Variants in RANBP2 observed in about 807,000 individuals in gnomAD.
RANBP2 encodes the protein E3 SUMO-protein ligase RanBP2.
RANBP2 carries 57 observed loss-of-function variants against 303.6 expected under a neutral mutation model. The ratio of observed to expected loss-of-function variants is 0.19; its 90% CI spans 0.15 to 0.23. The LOEUF is 0.23. RANBP2 is among the 10% of genes least tolerant of loss of function. The probability of loss-of-function intolerance (pLI) is 1.00; values close to 1 mark genes in which losing one functional copy is unlikely to be tolerated. For missense variants in RANBP2, 3,138 were observed against 3,780.8 expected (o/e 0.83, Z 4.46); for synonymous variants, 1,167 against 1,301.5 (o/e 0.90, Z 2.23).
the RANBP2 span, among the ~76,000 whole-genome samples, chr2:109,188,322 G>T: frequency 6.6e-6 from 1 of 152,192 alleles, no homozygotes; most frequent in Non-Finnish European, 1.5e-5. Flanking sequence ...AAGCTGTCTG[G>T]CCTGGAGCGT....
the RANBP2 span, among the ~76,000 whole-genome samples, chr2:109,675,986 T>C: frequency 1.3e-5 from 2 of 152,212 alleles, no homozygotes; most frequent in African/African-American, 2.4e-5. Context: ...CCATAGCCAG[T>C]GAGGAAGACT....
chr2:108,994,264 G>C, the RANBP2 span, among the ~76,000 whole-genome samples: 1 of 152,198 alleles, frequency 6.6e-6, no homozygotes, highest in South Asian at 2.1e-4. Flanking sequence ...GAAAGCTTCA[G>C]GCCAGGAGCT....
the RANBP2 span, among the ~76,000 whole-genome samples, chr2:109,248,808 T>G: frequency 4.0e-5 from 6 of 151,890 alleles, no homozygotes; most frequent in Non-Finnish European, 7.4e-5. Context: ...TCTCTCTTTC[T>G]CTTTCGTTTT....
At chr2:109,162,338 G>A in the RANBP2 span, among the ~76,000 whole-genome samples, 1 of 152,204 alleles carries the variant, frequency 6.6e-6, no homozygotes, top group East Asian at 1.9e-4. Flanking sequence ...TGACACGTAA[G>A]CCCTCAGAGA....
At chr2:109,198,238 G>T in the RANBP2 span, among the ~76,000 whole-genome samples, 2 of 152,180 alleles carry the variant, frequency 1.3e-5, no homozygotes, top group Admixed American at 6.5e-5. Flanking sequence ...AAACCAGCCA[G>T]CCAGCCTGTG....
At chr2:108,830,830 A>C in the RANBP2 span, among the ~76,000 whole-genome samples, 6 of 151,430 alleles carry the variant, frequency 4.0e-5, no homozygotes, top group East Asian at 2.0e-4. Flanking sequence ...AAAAAAAAAA[A>C]CCAAAGCTTG....
the RANBP2 span, among the ~76,000 whole-genome samples, chr2:109,722,806 T>C: frequency 6.6e-6 from 1 of 152,246 alleles, no homozygotes; most frequent in African/African-American, 2.4e-5. Flanking sequence ...GCAAAGGACA[T>C]GATCTTGTTC....
the RANBP2 span, among the ~76,000 whole-genome samples, chr2:109,524,335 G>C: frequency 6.6e-6 from 1 of 150,818 alleles, no homozygotes; most frequent in Non-Finnish European, 1.5e-5. Context: ...ATGACATGGG[G>C]ATTTGAATGA....
At chr2:109,650,740 T>C in the RANBP2 span, among the ~76,000 whole-genome samples, 1 of 152,328 alleles carries the variant, frequency 6.6e-6, no homozygotes, top group East Asian at 1.9e-4. Flanking sequence ...TTCTCTTGGC[T>C]CTCATTCTCT....
chr2:108,754,032 G>T, intron 15 of RANBP2, 61 bp downstream of exon 15: 2 of 1,610,884 alleles, frequency 1.2e-6, no homozygotes. Context: ...ATGTTTTTGC[G>T]TTGGTCTTAT....
At chr2:109,259,221 G>A in the RANBP2 span, among the ~76,000 whole-genome samples, 16 of 152,314 alleles carry the variant, frequency 1.1e-4, no homozygotes, top group East Asian at 2.5e-3. Context: ...TTCATGGGTC[G>A]GATTAAAGGG....
chr2:108,752,485 T>G (rs1174601427), intron 12 of RANBP2, among the ~76,000 whole-genome samples: 1 of 151,668 alleles, frequency 6.6e-6, no homozygotes, highest in Non-Finnish European at 1.5e-5. Flanking sequence ...AAAAGTTGAG[T>G]GTAGAGGCCG....
At chr2:109,740,434 T>G in the RANBP2 span, among the ~76,000 whole-genome samples, 1 of 152,264 alleles carries the variant, frequency 6.6e-6, no homozygotes, top group East Asian at 1.9e-4. Flanking sequence ...CATAAAATCA[T>G]AGGGATATAG....
At chr2:109,387,523 A>G in the RANBP2 span, among the ~76,000 whole-genome samples, 3 of 151,926 alleles carry the variant, frequency 2.0e-5, no homozygotes, top group Admixed American at 2.0e-4. Context: ...TGCTGTTCCC[A>G]CCTGCCCATC....
the RANBP2 span, among the ~76,000 whole-genome samples, chr2:109,316,237 G>A: frequency 6.6e-6 from 1 of 152,214 alleles, no homozygotes; most frequent in Non-Finnish European, 1.5e-5. Context: ...TCTCGCAGCA[G>A]ATCTGCACAG....
chr2:108,762,208 T>A lies in RANBP2; in HGVS notation c.2697+13T>A. 1 of 1,562,978 alleles carries A rather than the reference T, an allele frequency of 6.4e-7. No homozygotes were observed. The highest frequency in any genetic ancestry group is 8.6e-7 in the Non-Finnish European group (1 of 1,164,384). Reference sequence around the variant, plus strand: ...TACTCCCACAAAGGTAACAAAGGAATAATTTATACATTTATAATTATTTCC... The same window carrying A: ...TACTCCCACAAAGGTAACAAAGGAAAAATTTATACATTTATAATTATTTCC... On this transcript the variant is annotated intron_variant, in intron 19 of 28. Transcript: ENST00000283195.
chr2:109,587,491 G>A, the RANBP2 span, among the ~76,000 whole-genome samples: 1 of 152,254 alleles, frequency 6.6e-6, no homozygotes, highest in African/African-American at 2.4e-5. Flanking sequence ...AAATAATAGT[G>A]ACTGAAAACT....
the RANBP2 span, among the ~76,000 whole-genome samples, chr2:109,269,102 C>T: frequency 9.9e-5 from 15 of 152,134 alleles, no homozygotes; most frequent in Non-Finnish European, 2.2e-4. Context: ...GCACAAGGGC[C>T]GCACGTGGAT....
chr2:108,886,500 C>T, the RANBP2 span, among the ~76,000 whole-genome samples: 5 of 152,112 alleles, frequency 3.3e-5, no homozygotes, highest in African/African-American at 4.8e-5. Flanking sequence ...CTGCACGCTC[C>T]GCCTCTTGGG....
Sources: allele counts gnomAD v4.1 joint callset (sites outside exome capture counted in the v4.1 genomes callset), GRCh38; gene constraint gnomAD v4.1.1; transcripts MANE v1.5; gene names NCBI Gene and HGNC (gene_info 2026-07-23, HGNC 2026-07-21).